The following SYNE2 variants were observed in gnomAD, a reference collection of about 807,000 sequenced individuals.
SYNE2 encodes nesprin-2.
Under a neutral mutation model 856.3 loss-of-function variants are expected in SYNE2, and 431 were observed. The ratio of observed to expected loss-of-function variants is 0.50; its 90% confidence interval spans 0.47 to 0.55. The LOEUF is 0.55. Among genes scored for constraint, SYNE2 ranks in the 20% least tolerant of loss-of-function variants. The pLI, the probability that SYNE2 is intolerant of heterozygous loss-of-function variation, is 0.00. For missense variants in SYNE2, 8,129 were observed against 8,023.2 expected (o/e 1.01, Z -0.50); for synonymous variants, 2,923 against 2,872.3 (o/e 1.02, Z -0.56).
chr14:63,996,902 G>A (rs1274641997), intron 23 of SYNE2, 45 bp from the exon 24 acceptor site: 1 of 1,576,292 alleles, frequency 6.3e-7, no homozygotes, highest in South Asian at 1.1e-5. Context: ...GAATAATCAT[G>A]TAAACTCACC....
At chr14:63,948,295 A>G (rs1181517482) in intron 6 of SYNE2, among the ~76,000 whole-genome samples, 1 of 152,184 alleles carries the variant, frequency 6.6e-6, no homozygotes, top group Non-Finnish European at 1.5e-5. Flanking sequence ...ATCTATGAGT[A>G]TAACATTTTA....
chr14:63,872,819 T>C (rs974187687), intron 1 of SYNE2, among the ~76,000 whole-genome samples: 2 of 151,974 alleles, frequency 1.3e-5, no homozygotes, highest in African/African-American at 4.8e-5. Flanking sequence ...TACTGTATGT[T>C]GCACATTCTT....
At chr14:63,994,067 G>A in intron 22 of SYNE2, 98 bp downstream of exon 22, 3 of 1,242,748 alleles carry the variant, frequency 2.4e-6, no homozygotes, top group Non-Finnish European at 3.5e-6. Flanking sequence ...TGTCTACGTT[G>A]TATCACCAGT....
intron 1 of SYNE2, 70 bp from the exon 2 acceptor site, chr14:63,909,028 C>G (rs2095441211): frequency 3.8e-6 from 3 of 793,392 alleles, no homozygotes; most frequent in Non-Finnish European, 6.7e-6. Context: ...CTGCTGTTTT[C>G]TGGCAATGCA....
intron 23 of SYNE2, among the ~76,000 whole-genome samples, chr14:63,995,914 G>A (rs2096710852): frequency 6.6e-6 from 1 of 151,920 alleles, no homozygotes; most frequent in East Asian, 1.9e-4. Context: ...CTCCACTTTT[G>A]GCTAATTCCG....
intron 6 of SYNE2, among the ~76,000 whole-genome samples, chr14:63,944,292 AT>A: frequency 5.7e-5 from 1 of 17,418 alleles, no homozygotes; most frequent in Admixed American, 7.9e-4. Flanking sequence ...ATATATATAT[AT>A]ATATATATAT....
At chr14:63,937,578 G>A (rs2095849212) in intron 2 of SYNE2, among the ~76,000 whole-genome samples, 1 of 152,146 alleles carries the variant, frequency 6.6e-6, no homozygotes, top group African/African-American at 2.4e-5. Context: ...TAATGATGAG[G>A]GAGGAGGTAT....
chr14:63,976,838 A>G, intron 12 of SYNE2, 111 bp downstream of exon 12: 1 of 1,192,722 alleles, frequency 8.4e-7, no homozygotes, highest in Non-Finnish European at 1.2e-6. Flanking sequence ...ATATTTGAGG[A>G]TGGTTTAGAA....
At chr14:63,775,737 GC>G (rs1247406857) in intron 1 of SYNE2, among the ~76,000 whole-genome samples, 1 of 152,026 alleles carries the variant, frequency 6.6e-6, no homozygotes, top group Non-Finnish European at 1.5e-5. Flanking sequence ...GCGTGCCACC[GC>G]CCCTGGCTAA....
intron 1 of SYNE2, among the ~76,000 whole-genome samples, chr14:63,779,987 T>C (rs139338347): frequency 6.1e-4 from 93 of 152,288 alleles, no homozygotes; most frequent in African/African-American, 2.0e-3. Flanking sequence ...TTCACACATA[T>C]CATGATCATT....
At position 63,971,720 on chromosome 14, in the gene SYNE2, C is replaced by A. The variant is rs2096480360; in HGVS notation, c.1128+3874C>A. 3.9e-5 allele frequency among the ~76,000 whole-genome samples: 6 copies of A among 152,094 alleles called. No individual in the cohort carries two copies. The South Asian group carries it at 1.2e-3, about 32-fold the overall frequency. ...AGTTTCTATTGAGCTCAGTTCCCTT[C>A]AGCCTGAAAACTTCCTTTCACTTAC... On this transcript the variant is annotated intron_variant, in intron 11 of 115. Coordinates refer to ENST00000555002, the MANE Select transcript of SYNE2 (RefSeq NM_182914.3).
chr14:64,083,579 CGG>C (rs1447924878), intron 57 of SYNE2, among the ~76,000 whole-genome samples: 1 of 152,160 alleles, frequency 6.6e-6, no homozygotes, highest in African/African-American at 2.4e-5. Flanking sequence ...AAGGAAGGCT[CGG>C]GTTTATTTCT....
intron 78 of SYNE2, among the ~76,000 whole-genome samples, chr14:64,134,538 A>G (rs958017050): frequency 6.6e-6 from 1 of 152,200 alleles, no homozygotes; most frequent in African/African-American, 2.4e-5. Context: ...CCAGTGAGCT[A>G]CTAGTATGGA....
At position 63,971,578 on chromosome 14, in the gene SYNE2, CATT is replaced by C. The variant is rs924067975; in HGVS notation, c.1128+3733_1128+3735del. ...CTTAAAATCCTCAGGACCATGTTATCATTTTTTTTTTTTTTGCTCTAAACAACC... is the reference window on the plus strand; with the variant it reads ...CTTAAAATCCTCAGGACCATGTTATCTTTTTTTTTTTTGCTCTAAACAACC... On this transcript the variant is annotated intron_variant, in intron 11 of 115. Coordinates refer to ENST00000555002, the MANE Select transcript of SYNE2 (RefSeq NM_182914.3). Among the ~76,000 whole-genome samples, 6 of 149,092 alleles carry C rather than the reference CATT, an allele frequency of 4.0e-5. No individual in the cohort carries two copies. In the South Asian group the frequency reaches 6.3e-4, roughly 16 times the overall value.
At chr14:64,210,548 T>G (rs1235690697) in intron 103 of SYNE2, among the ~76,000 whole-genome samples, 1 of 152,190 alleles carries the variant, frequency 6.6e-6, no homozygotes, top group Non-Finnish European at 1.5e-5. Context: ...ACAAGGCACG[T>G]GAATGCAAGA....
chr14:64,196,494 C>T (rs1315983188), intron 99 of SYNE2, among the ~76,000 whole-genome samples: 1 of 152,142 alleles, frequency 6.6e-6, no homozygotes, highest in Non-Finnish European at 1.5e-5. Context: ...AACTAAATGA[C>T]CCTCCTAAAC....
intron 99 of SYNE2, among the ~76,000 whole-genome samples, chr14:64,199,452 T>C (rs1047363528): frequency 1.3e-5 from 2 of 152,128 alleles, no homozygotes; most frequent in African/African-American, 4.8e-5. Flanking sequence ...GAAGAGGAAA[T>C]GATGCCTGTA....
intron 1 of SYNE2, among the ~76,000 whole-genome samples, chr14:63,803,765 G>C (rs1038234191): frequency 1.3e-5 from 2 of 152,234 alleles, no homozygotes; most frequent in African/African-American, 2.4e-5. Flanking sequence ...TGGGAGCCCA[G>C]GCAGAGGAGG....
chr14:63,944,278 T>TTATATATATATATATATATATA (rs71123818), intron 6 of SYNE2, among the ~76,000 whole-genome samples: 23 of 144,046 alleles, frequency 1.6e-4, no homozygotes, highest in African/African-American at 5.9e-4. Flanking sequence ...TTCTGAATTT[T>TTATATATATATATATATATATA]TATATATATA....
Sources: gnomAD v4.1 joint callset for allele counts (sites outside exome capture counted in the v4.1 genomes callset) on GRCh38, gnomAD v4.1.1 for gene constraint, MANE v1.5 for transcripts, NCBI Gene and HGNC (gene_info 2026-07-23, HGNC 2026-07-21) for gene names.